Variants in RIC1 observed in about 807,000 individuals in gnomAD.
RIC1 encodes the protein guanine nucleotide exchange factor subunit RIC1.
RIC1 carries 88 observed loss-of-function variants against 169.0 expected under a neutral mutation model. The ratio of observed to expected loss-of-function variants is 0.52; its 90% CI spans 0.44 to 0.62. The LOEUF (loss-of-function observed/expected upper bound fraction) is 0.62. Ranked by LOEUF, RIC1 falls within the 20% of genes least tolerant of loss-of-function variation. The probability of loss-of-function intolerance (pLI) is 0.00; values close to 1 mark genes in which losing one functional copy is unlikely to be tolerated. For synonymous variants in RIC1, 790 were observed against 601.5 expected (o/e 1.31, Z -4.59); for missense variants, 1,877 against 1,725.5 (o/e 1.09, Z -1.56).
chr9:5,742,758 C>A, intron 8 of RIC1, 111 bp from the exon 9 acceptor site: 2 of 949,094 alleles, frequency 2.1e-6, no homozygotes, highest in Admixed American at 2.6e-5. Flanking sequence ...AGCAGTCATA[C>A]CTTTCTACTC....
chr9:5,678,712 T>G (rs1229192554), intron 2 of RIC1, among the ~76,000 whole-genome samples: 1 of 152,200 alleles, frequency 6.6e-6, no homozygotes, highest in Non-Finnish European at 1.5e-5. Context: ...TCTTGTAAAT[T>G]TGTTTGAGTT....
intron 17 of RIC1, among the ~76,000 whole-genome samples, chr9:5,761,087 C>T (rs1283569515): frequency 1.4e-5 from 2 of 143,786 alleles, no homozygotes; most frequent in Non-Finnish European, 3.0e-5. Flanking sequence ...CTGTCTCCTT[C>T]AGTTTACCAG....
At chr9:5,734,473 T>A (rs150637022) in intron 7 of RIC1, among the ~76,000 whole-genome samples, 279 of 152,314 alleles carry the variant, frequency 1.8e-3, no homozygotes, top group African/African-American at 6.4e-3. Context: ...GCAAGTTGCA[T>A]TTTTTCCAGG....
chr9:5,741,054 A>T (rs1258748711), intron 8 of RIC1, among the ~76,000 whole-genome samples: 1 of 152,060 alleles, frequency 6.6e-6, no homozygotes, highest in African/African-American at 2.4e-5. Flanking sequence ...ACTTTGGGAG[A>T]GTCTGAAATG....
At chr9:5,726,960 G>A (rs951755222) in intron 6 of RIC1, among the ~76,000 whole-genome samples, 5 of 152,152 alleles carry the variant, frequency 3.3e-5, no homozygotes, top group South Asian at 2.1e-4. Context: ...TGGGTAACCC[G>A]ACCTTTCTCT....
chr9:5,652,419 ACTT>A (rs1420947022), intron 1 of RIC1, among the ~76,000 whole-genome samples: 5 of 151,486 alleles, frequency 3.3e-5, no homozygotes, highest in African/African-American at 7.3e-5. Flanking sequence ...GTGATCTTTT[ACTT>A]CTTCAATTAA....
At chr9:5,765,921 T>C (rs1480334397) in intron 21 of RIC1, 123 bp downstream of exon 21, 4 of 1,253,844 alleles carry the variant, frequency 3.2e-6, no homozygotes, top group Non-Finnish European at 4.4e-6. Context: ...TCTTTTTCCA[T>C]TCCCAAAAAG....
At chr9:5,666,423 T>G (rs1000037977) in intron 2 of RIC1, among the ~76,000 whole-genome samples, 19 of 152,330 alleles carry the variant, frequency 1.2e-4, no homozygotes, top group Middle Eastern at 3.4e-3. Flanking sequence ...TTCAATACTA[T>G]GTTGAATTAA....
At position 5,629,124 on chromosome 9, in the gene RIC1, C is replaced by G. The variant is rs974958621; in HGVS notation, c.-186C>G. ...CCTCCCCCACACTCGGCCCCGTCAGCTTGGGGGTGCCTTCGTCGCGCAGCC... is the reference window on the plus strand; with the variant it reads ...CCTCCCCCACACTCGGCCCCGTCAGGTTGGGGGTGCCTTCGTCGCGCAGCC... On this transcript the variant is annotated 5_prime_UTR_variant, in exon 1 of 26. Transcript: ENST00000414202. 13 of 423,930 alleles carry G rather than the reference C, an allele frequency of 3.1e-5. No homozygotes were observed. The highest frequency in any genetic ancestry group is 1.7e-4 in the African/African-American group (8 of 48,034). The allele number at this position is 423,930 out of a possible 1,614,324, so 26.3% of individuals were successfully genotyped here. A position where few individuals can be genotyped will look rare whatever the true frequency, so the allele number is the denominator to read the frequency against.
At chr9:5,682,837 A>G (rs867401984) in intron 2 of RIC1, among the ~76,000 whole-genome samples, 4 of 152,072 alleles carry the variant, frequency 2.6e-5, no homozygotes, top group Non-Finnish European at 2.9e-5. Context: ...ACATAGTCCT[A>G]TATTTCTTGG....
intron 3 of RIC1, chr9:5,712,875 A>G (rs1823015788): frequency 6.6e-6 from 1 of 152,204 alleles, no homozygotes; most frequent in Non-Finnish European, 1.5e-5. Context: ...ATTTAGACTT[A>G]GAAGGAATTA....
chr9:5,730,093 A>G (rs1021161032), intron 6 of RIC1, among the ~76,000 whole-genome samples: 7 of 152,196 alleles, frequency 4.6e-5, no homozygotes, highest in Admixed American at 4.6e-4. Flanking sequence ...TAGATAGAAA[A>G]TACAAATTAC....
intron 3 of RIC1, among the ~76,000 whole-genome samples, chr9:5,693,971 C>G (rs1264072073): frequency 1.3e-5 from 2 of 151,612 alleles, no homozygotes; most frequent in African/African-American, 2.4e-5. Context: ...AGTAAAGATA[C>G]TGGTCTTTTT....
At chr9:5,643,255 A>G (rs1818339254) in intron 1 of RIC1, among the ~76,000 whole-genome samples, 1 of 152,220 alleles carries the variant, frequency 6.6e-6, no homozygotes, top group African/African-American at 2.4e-5. Context: ...TCATAAACAC[A>G]TGAAGATGAC....
Position 5,763,061 on chromosome 9 carries a change from T to C in RIC1, c.2113-79T>C. ...ATATTATACTATCATTTGAAAGACT[T>C]AGTAAACTAGTACCTAGGAACTTAA... On this transcript the variant is annotated intron_variant, in intron 18 of 25. Coordinates refer to ENST00000414202, the MANE Select transcript of RIC1 (RefSeq NM_020829.4). The surrounding 1 kb of genome is among the most constrained non-coding windows in gnomAD (Gnocchi z 5.2). The C allele has an allele frequency of 1.3e-6, 2 of 1,487,868 alleles. No homozygotes were observed. The highest frequency in any genetic ancestry group is 1.8e-6 in the Non-Finnish European group (2 of 1,106,752). 92.2% of individuals were successfully genotyped at this position (1,487,868 alleles called of 1,614,324 possible).
intron 3 of RIC1, among the ~76,000 whole-genome samples, chr9:5,690,631 A>G (rs1016749327): frequency 1.6e-4 from 25 of 151,606 alleles, no homozygotes; most frequent in South Asian, 4.2e-4. Context: ...ACATTTCTAG[A>G]TGGTGGAAGA....
At chr9:5,631,911 G>A (rs1817733357) in intron 1 of RIC1, among the ~76,000 whole-genome samples, 1 of 152,112 alleles carries the variant, frequency 6.6e-6, no homozygotes, top group Non-Finnish European at 1.5e-5. Context: ...ATTTAAAAGT[G>A]AAAATGCCTT....
At chr9:5,631,182 TACG>T (rs1817697711) in intron 1 of RIC1, among the ~76,000 whole-genome samples, 1 of 152,256 alleles carries the variant, frequency 6.6e-6, no homozygotes, top group Admixed American at 6.5e-5. Context: ...TGGAGTTACA[TACG>T]ACATCTAGAA....
intron 15 of RIC1, among the ~76,000 whole-genome samples, chr9:5,755,704 C>T (rs1825969335): frequency 6.6e-6 from 1 of 152,120 alleles, no homozygotes; most frequent in South Asian, 2.1e-4. Flanking sequence ...GGGTGGATCA[C>T]CTGAGGTCAG....
Sources: gnomAD v4.1 joint callset for allele counts (sites outside exome capture counted in the v4.1 genomes callset) on GRCh38, gnomAD v4.1.1 for gene constraint, Gnocchi (gnomAD v3.1) non-coding constraint, MANE v1.5 for transcripts, NCBI Gene and HGNC (gene_info 2026-07-23, HGNC 2026-07-21) for gene names.